Variants in TAFA2 observed in about 807,000 individuals in gnomAD.
The protein encoded by TAFA2 is chemokine-like protein TAFA-2.
In TAFA2, 7 loss-of-function variants were observed where a neutral mutation model predicts 18.8. That is an observed-to-expected ratio of 0.37 (90% CI 0.21 to 0.70). The LOEUF (loss-of-function observed/expected upper bound fraction) is 0.70. Ranked by LOEUF, TAFA2 falls within the 30% of genes least tolerant of loss-of-function variation. The probability of loss-of-function intolerance (pLI) is 0.53; values close to 1 mark genes in which losing one functional copy is unlikely to be tolerated. For synonymous variants in TAFA2, 60 were observed against 54.2 expected (o/e 1.11, Z -0.47); for missense variants, 122 against 158.1 (o/e 0.77, Z 1.23).
intron 2 of TAFA2, among the ~76,000 whole-genome samples, chr12:61,782,814 A>G (rs1162125643): frequency 6.6e-6 from 1 of 151,816 alleles, no homozygotes; most frequent in Non-Finnish European, 1.5e-5. Flanking sequence ...TAAAGTTGAC[A>G]TTATAGGTAA....
chr12:62,056,929 A>G (rs759467513), intron 1 of TAFA2, among the ~76,000 whole-genome samples: 1 of 152,174 alleles, frequency 6.6e-6, no homozygotes, highest in African/African-American at 2.4e-5. Flanking sequence ...AAGTTTTTCT[A>G]TCTATGCTCT....
intron 1 of TAFA2, among the ~76,000 whole-genome samples, chr12:61,969,779 C>A (rs1040558482): frequency 2.6e-5 from 4 of 151,748 alleles, no homozygotes; most frequent in South Asian, 2.1e-4. Flanking sequence ...CACGTTTGAA[C>A]TTGGTCTTGA....
chr12:61,753,480 A>C, intron 4 of TAFA2, 142 bp downstream of exon 4: 1 of 688,742 alleles, frequency 1.5e-6, no homozygotes, highest in Non-Finnish European at 2.3e-6. Flanking sequence ...AAAAAAGCGA[A>C]CTAAGAAAAA....
chr12:61,856,799 G>A (rs1202204807), intron 2 of TAFA2, among the ~76,000 whole-genome samples: 1 of 151,622 alleles, frequency 6.6e-6, no homozygotes, highest in East Asian at 1.9e-4. Context: ...AAACAGATAT[G>A]GGGAAAAACA....
intron 2 of TAFA2, among the ~76,000 whole-genome samples, chr12:61,787,025 T>A (rs796319866): frequency 5.9e-5 from 9 of 151,436 alleles, no homozygotes; most frequent in Admixed American, 2.0e-4. Context: ...GCATAAGTAA[T>A]CACATTAAAT....
At chr12:61,980,704 A>T (rs1879602332) in intron 1 of TAFA2, among the ~76,000 whole-genome samples, 1 of 152,226 alleles carries the variant, frequency 6.6e-6, no homozygotes. Flanking sequence ...ACTCCCATTC[A>T]CAATTGCTAC....
chr12:61,754,948 C>T lies in TAFA2; in HGVS notation c.183G>A (p.Arg61=), dbSNP rs113742822. ...AGCAGGAGCACTTGACTGTTTGTGA[C>T]CGTTCTTCTATCTTGTTCTTATTAC... ...RCCNKNKIEE[R]SQTVKCSCFP... Residue 61 remains arginine, a synonymous_variant, in exon 3 of 5, where the codon CGG becomes CGA. Coordinates refer to ENST00000416284, the MANE Select transcript of TAFA2 (RefSeq NM_178539.5). 9.2e-5 allele frequency: 149 copies of T among 1,613,020 alleles called. 3 individuals carry two copies. In the South Asian group the frequency reaches 1.1e-3, roughly 12 times the overall value.
intron 1 of TAFA2, among the ~76,000 whole-genome samples, chr12:61,929,065 G>A (rs944322660): frequency 4.0e-5 from 6 of 151,846 alleles, no homozygotes; most frequent in Admixed American, 6.6e-5. Flanking sequence ...GTAAATAATG[G>A]GTTGATGGGT....
intron 2 of TAFA2, among the ~76,000 whole-genome samples, chr12:61,793,860 CAATACATAAAAACGAT>C (rs1465594928): frequency 6.6e-6 from 1 of 151,786 alleles, no homozygotes; most frequent in Non-Finnish European, 1.5e-5. Context: ...ATAAATCCAA[CAATACATAAAAACGAT>C]AACACAAAGT....
At position 62,121,512 on chromosome 12, in the gene TAFA2, T is replaced by C. The variant is rs552610346; in HGVS notation, c.-2+69747A>G. ...AAATTACATGATGTATGAGAGAGTATTTTTAAACTATAACGTGATCTAAAG... is the reference window on the plus strand; with the variant it reads ...AAATTACATGATGTATGAGAGAGTACTTTTAAACTATAACGTGATCTAAAG... On this transcript the variant is annotated intron_variant, in intron 1 of 4. Coordinates refer to ENST00000416284, the MANE Select transcript of TAFA2 (RefSeq NM_178539.5). Among the ~76,000 whole-genome samples the C allele has an allele frequency of 2.0e-5, 3 of 152,312 alleles. No individual in the cohort carries two copies. The East Asian group carries it at 5.8e-4, about 29-fold the overall frequency.
At position 62,158,042 on chromosome 12, in the gene TAFA2, G is replaced by C. The variant is rs576197503; in HGVS notation, c.-2+33217C>G. On this transcript the variant is annotated intron_variant, in intron 1 of 4. Coordinates refer to ENST00000416284, the MANE Select transcript of TAFA2 (RefSeq NM_178539.5). Reference sequence around the variant, plus strand: ...ACATTTCTCATTCTTATGTGACTCTGATAGTCATAGGTTAAATCACATTCC... The same window carrying C: ...ACATTTCTCATTCTTATGTGACTCTCATAGTCATAGGTTAAATCACATTCC... Among the ~76,000 whole-genome samples the C allele has an allele frequency of 4.6e-5, 7 of 152,178 alleles. No homozygotes were observed. The East Asian group carries it at 1.3e-3, about 29-fold the overall frequency.
chr12:61,771,342 G>T (rs774665676), intron 2 of TAFA2, among the ~76,000 whole-genome samples: 2 of 151,894 alleles, frequency 1.3e-5, no homozygotes, highest in African/African-American at 2.4e-5. Context: ...AGCCAAGAAA[G>T]AAACAATGGA....
intron 1 of TAFA2, among the ~76,000 whole-genome samples, chr12:61,943,640 C>T (rs1878136105): frequency 6.6e-6 from 1 of 151,996 alleles, no homozygotes; most frequent in Admixed American, 6.6e-5. Flanking sequence ...CAAAAAAAGG[C>T]AGGGATTGCA....
intron 1 of TAFA2, among the ~76,000 whole-genome samples, chr12:61,887,824 C>T (rs1875455788): frequency 6.6e-6 from 1 of 151,448 alleles, no homozygotes; most frequent in African/African-American, 2.4e-5. Flanking sequence ...TTTCTTAATC[C>T]AGTCTATCGT....
intron 1 of TAFA2, among the ~76,000 whole-genome samples, chr12:62,213,853 T>C (rs745675938): frequency 6.6e-6 from 1 of 152,204 alleles, no homozygotes; most frequent in South Asian, 2.1e-4. Context: ...AAGATTTTTA[T>C]ATATTGTTTT....
At chr12:61,960,874 G>A (rs1878861020) in intron 1 of TAFA2, among the ~76,000 whole-genome samples, 1 of 151,202 alleles carries the variant, frequency 6.6e-6, no homozygotes, top group Admixed American at 6.6e-5. Context: ...GATGAAAATA[G>A]AAAAAAATAG....
intron 1 of TAFA2, among the ~76,000 whole-genome samples, chr12:62,057,952 T>C (rs1882229002): frequency 6.6e-6 from 1 of 152,230 alleles, no homozygotes; most frequent in Non-Finnish European, 1.5e-5. Context: ...ATTTATAATT[T>C]CCTTTAATGA....
At chr12:62,227,316 C>T (rs75236114) in intron 1 of TAFA2, among the ~76,000 whole-genome samples, 3,470 of 152,176 alleles carry the variant, frequency 0.023, 132 homozygotes, top group African/African-American at 0.078. Flanking sequence ...ACTTCCTGGT[C>T]GGAGTAAGTA....
At chr12:61,944,589 T>A in intron 1 of TAFA2, among the ~76,000 whole-genome samples, 1 of 106,232 alleles carries the variant, frequency 9.4e-6, no homozygotes, top group Non-Finnish European at 1.9e-5. Context: ...GAGAGAAGAA[T>A]CAAATAGACA....
Sources: gnomAD v4.1 joint callset for allele counts (sites outside exome capture counted in the v4.1 genomes callset) on GRCh38, gnomAD v4.1.1 for gene constraint, MANE v1.5 for transcripts, NCBI Gene and HGNC (gene_info 2026-07-23, HGNC 2026-07-21) for gene names.